The following CDYL2 variants were observed in gnomAD, a reference collection of about 807,000 sequenced individuals.
The protein encoded by CDYL2 is chromodomain Y like 2.
Under a neutral mutation model 49.4 loss-of-function variants are expected in CDYL2, and 23 were observed. The ratio of observed to expected loss-of-function variants is 0.47; its 90% CI spans 0.34 to 0.66. CDYL2 has a LOEUF of 0.66. CDYL2 is among the 30% of genes least tolerant of loss of function. The pLI, the probability that CDYL2 is intolerant of heterozygous loss-of-function variation, is 0.01. For synonymous variants in CDYL2, 360 were observed against 268.8 expected (o/e 1.34, Z -3.32); for missense variants, 678 against 656.4 (o/e 1.03, Z -0.36).
intron 2 of CDYL2, among the ~76,000 whole-genome samples, chr16:80,651,290 A>T (rs1011976001): frequency 6.6e-6 from 1 of 152,232 alleles, no homozygotes; most frequent in Non-Finnish European, 1.5e-5. Context: ...CTATCAAGCC[A>T]CCAAAAAAAG....
intron 1 of CDYL2, among the ~76,000 whole-genome samples, chr16:80,696,151 G>C (rs1291593529): frequency 2.0e-5 from 3 of 152,158 alleles, no homozygotes; most frequent in African/African-American, 7.2e-5. Context: ...AACAACCAAT[G>C]AGTCAGTGAA....
At chr16:80,699,915 C>T (rs951236506) in intron 1 of CDYL2, among the ~76,000 whole-genome samples, 11 of 151,492 alleles carry the variant, frequency 7.3e-5, no homozygotes, top group Admixed American at 1.3e-4. Context: ...TCGCCCAGGC[C>T]GGAGTGCAGT....
intron 1 of CDYL2, among the ~76,000 whole-genome samples, chr16:80,803,483 G>C (rs1261988072): frequency 6.6e-6 from 1 of 151,494 alleles, no homozygotes; most frequent in Non-Finnish European, 1.5e-5. Context: ...CCACCCCCAC[G>C]CCCGAGCCCG....
chr16:80,732,301 T>C (rs11644231), intron 1 of CDYL2, among the ~76,000 whole-genome samples: 65,260 of 151,744 alleles, frequency 0.43, 16,926 homozygotes, highest in Middle Eastern at 0.6. Flanking sequence ...TTTTCTGTCT[T>C]AGTGGGACCT....
chr16:80,640,849 C>T (rs575725319), intron 2 of CDYL2, among the ~76,000 whole-genome samples: 2 of 151,906 alleles, frequency 1.3e-5, no homozygotes, highest in South Asian at 4.2e-4. Flanking sequence ...ATTGAACAAG[C>T]GTAAGAAAGA....
At chr16:80,772,259 C>T (rs1906929771) in intron 1 of CDYL2, among the ~76,000 whole-genome samples, 1 of 151,956 alleles carries the variant, frequency 6.6e-6, no homozygotes, top group Admixed American at 6.6e-5. Flanking sequence ...AGGTAGAAGG[C>T]TGGACATGGA....
chr16:80,782,316 C>G (rs1384650657), intron 1 of CDYL2, among the ~76,000 whole-genome samples: 3 of 151,664 alleles, frequency 2.0e-5, no homozygotes, highest in East Asian at 1.9e-4. Context: ...CTGAATAGAT[C>G]TGTAACATGT....
intron 2 of CDYL2, among the ~76,000 whole-genome samples, chr16:80,638,627 A>G (rs1048455867): frequency 2.6e-5 from 4 of 151,682 alleles, no homozygotes; most frequent in African/African-American, 9.8e-5. Context: ...GAACAGATAC[A>G]TGCATCAGTG....
Position 80,641,355 on chromosome 16 carries a change from CA to C in CDYL2, c.617-8120del, listed in dbSNP as rs1434135956. Among the ~76,000 whole-genome samples the C allele has an allele frequency of 6.6e-5, 10 of 151,790 alleles. No individual in the cohort carries two copies. In the East Asian group the frequency reaches 7.7e-4, roughly 12 times the overall value. On this transcript the variant is annotated intron_variant, in intron 2 of 6. Transcript: ENST00000570137. ...AAACAAAAAACAAAACAAAACAAAA[CA>C]AAAAAACTTTTACCCTAGTATAGTA...
intron 2 of CDYL2, among the ~76,000 whole-genome samples, chr16:80,655,414 G>A (rs1326282068): frequency 6.6e-6 from 1 of 152,146 alleles, no homozygotes; most frequent in Admixed American, 6.5e-5. Context: ...GCTTGCTTTG[G>A]GTTGGGGAGA....
At chr16:80,727,297 G>T (rs563379290) in intron 1 of CDYL2, among the ~76,000 whole-genome samples, 2 of 152,214 alleles carry the variant, frequency 1.3e-5, no homozygotes, top group Non-Finnish European at 2.9e-5. Flanking sequence ...AGCGCAAGGG[G>T]TCAGGGAGTT....
At chr16:80,717,785 G>C (rs1041269453) in intron 1 of CDYL2, among the ~76,000 whole-genome samples, 1 of 152,228 alleles carries the variant, frequency 6.6e-6, no homozygotes, top group Non-Finnish European at 1.5e-5. Flanking sequence ...TTGCATGTGT[G>C]CAAAGCAAAT....
rs142408138 is a variant in CDYL2 at position 80,663,259 on chromosome 16, C to T, written c.616+21279G>A. ...AGGGGGAGTTCAGCTTGAGCACTTCCGGTCATCAATCATGTCAGGAGGTGA... is the reference window on the plus strand; with the variant it reads ...AGGGGGAGTTCAGCTTGAGCACTTCTGGTCATCAATCATGTCAGGAGGTGA... On this transcript the variant is annotated intron_variant, in intron 2 of 6. Transcript: ENST00000570137. Among the ~76,000 whole-genome samples the T allele has an allele frequency of 1.0e-3, 158 of 151,272 alleles. 1 individual carries two copies. The highest frequency in any genetic ancestry group is 3.3e-3 in the African/African-American group (136 of 41,420).
intron 1 of CDYL2, among the ~76,000 whole-genome samples, chr16:80,787,591 TTCTC>T (rs1245125425): frequency 2.0e-5 from 3 of 151,924 alleles, no homozygotes; most frequent in African/African-American, 4.8e-5. Flanking sequence ...AATATGTTCG[TTCTC>T]TCTCTCCTCT....
chr16:80,657,714 A>G (rs1375743899), intron 2 of CDYL2, among the ~76,000 whole-genome samples: 1 of 152,170 alleles, frequency 6.6e-6, no homozygotes, highest in East Asian at 1.9e-4. Flanking sequence ...ACAGAAAGGT[A>G]CAAGTGTGAT....
chr16:80,631,223 T>C (rs1323425451), intron 3 of CDYL2, among the ~76,000 whole-genome samples: 1 of 152,154 alleles, frequency 6.6e-6, no homozygotes, highest in East Asian at 1.9e-4. Context: ...ATAACAATCC[T>C]ACATCAGAAG....
intron 2 of CDYL2, among the ~76,000 whole-genome samples, chr16:80,672,606 AAAGG>A: frequency 6.6e-6 from 1 of 151,204 alleles, no homozygotes; most frequent in African/African-American, 2.4e-5. Flanking sequence ...AAAGGAAAGG[AAAGG>A]AAAAGAAAGG....
At chr16:80,613,529 T>C (rs570597192) in intron 4 of CDYL2, among the ~76,000 whole-genome samples, 3 of 152,296 alleles carry the variant, frequency 2.0e-5, no homozygotes, top group South Asian at 4.1e-4. Flanking sequence ...TATGTTAGGA[T>C]GGCTCTGACT....
chr16:80,803,721 C>A (rs867367547), intron 1 of CDYL2, among the ~76,000 whole-genome samples: 1 of 143,150 alleles, frequency 7.0e-6, no homozygotes, highest in African/African-American at 2.6e-5. Context: ...CCCCACACCC[C>A]CGCCGGCCGC....
Sources: gnomAD v4.1 joint callset for allele counts (sites outside exome capture counted in the v4.1 genomes callset) on GRCh38, gnomAD v4.1.1 for gene constraint, MANE v1.5 for transcripts, NCBI Gene and HGNC (gene_info 2026-07-23, HGNC 2026-07-21) for gene names.